The following TECPR2 variants were observed in gnomAD, a reference collection of about 807,000 sequenced individuals.
TECPR2 encodes the protein tectonin beta-propeller repeat containing 2, also known as tectonin beta-propeller repeat-containing protein 2.
A neutral mutation model predicts 138.1 loss-of-function variants in TECPR2; 65 were observed. The ratio of observed to expected loss-of-function variants is 0.47; its 90% CI spans 0.39 to 0.58. The LOEUF is 0.58. Ranked by LOEUF, TECPR2 falls within the 20% of genes least tolerant of loss-of-function variation. The pLI, the probability that TECPR2 is intolerant of heterozygous loss-of-function variation, is 0.00. For synonymous variants in TECPR2, 746 were observed against 749.8 expected, an observed-to-expected ratio of 0.99 and a Z score of 0.08; for missense variants, 1,553 against 1,824.5, an observed-to-expected ratio of 0.85 and a Z score of 2.71.
At chr14:102,485,707 G>A (rs754243648) in intron 17 of TECPR2, among the ~76,000 whole-genome samples, 1 of 152,160 alleles carries the variant, frequency 6.6e-6, no homozygotes, top group African/African-American at 2.4e-5. Context: ...AGCCCCTCGC[G>A]ATGCTTGCCA....
At position 102,478,735 on chromosome 14, in the gene TECPR2, C is replaced by T. The variant is rs1252990287; in HGVS notation, c.3789+13446C>T. On this transcript the variant is annotated intron_variant, in intron 17 of 19. Transcript: ENST00000359520. The stretch of plus-strand genomic sequence containing the variant: ...GAGGGAACAGAAATGAGTGAAGCTG[C>T]CTAAGCATGGTGGCTCACACCTGTA... 5.3e-5 allele frequency among the ~76,000 whole-genome samples: 8 copies of T among 150,348 alleles called. No individual in the cohort carries two copies. The East Asian group carries it at 1.6e-3, about 30-fold the overall frequency.
intron 11 of TECPR2, among the ~76,000 whole-genome samples, chr14:102,441,999 G>C (rs114284665): frequency 0.042 from 6,372 of 152,244 alleles, 159 homozygotes; most frequent in Middle Eastern, 0.092. Flanking sequence ...GTTGTTTTGA[G>C]ACGGAATCTC....
chr14:102,487,602 C>T (rs746015643), intron 17 of TECPR2, among the ~76,000 whole-genome samples: 5 of 152,134 alleles, frequency 3.3e-5, no homozygotes, highest in Admixed American at 6.5e-5. Flanking sequence ...AGTGCAGTGG[C>T]GCAATCTGGG....
chr14:102,408,366 A>C, intron 3 of TECPR2, 122 bp from the exon 4 acceptor site: 1 of 1,129,386 alleles, frequency 8.9e-7, no homozygotes, highest in Non-Finnish European at 1.2e-6. Context: ...TGCTTGGAAA[A>C]CGAGATTGGG....
intron 16 of TECPR2, among the ~76,000 whole-genome samples, chr14:102,455,509 C>T (rs1056615683): frequency 2.0e-5 from 3 of 152,324 alleles, no homozygotes; most frequent in African/African-American, 2.4e-5. Flanking sequence ...TGCAGTGGCA[C>T]GATCTTGGCT....
chr14:102,410,684 CTT>C (rs1888820683), intron 4 of TECPR2, among the ~76,000 whole-genome samples: 1 of 152,192 alleles, frequency 6.6e-6, no homozygotes, highest in Non-Finnish European at 1.5e-5. Context: ...ACTAGACCAA[CTT>C]AGACTGTGCC....
chr14:102,380,940 A>C (rs1043069778), intron 2 of TECPR2, among the ~76,000 whole-genome samples: 1 of 149,444 alleles, frequency 6.7e-6, no homozygotes, highest in Admixed American at 6.7e-5. Flanking sequence ...GGCCTCCCAA[A>C]GTGCTGGGAT....
intron 16 of TECPR2, among the ~76,000 whole-genome samples, chr14:102,460,287 G>A (rs759501909): frequency 3.3e-5 from 5 of 151,950 alleles, no homozygotes; most frequent in Admixed American, 6.6e-5. Context: ...ATGAGACTCT[G>A]TCTCAAAAAA....
intron 2 of TECPR2, among the ~76,000 whole-genome samples, chr14:102,400,666 C>A (rs577349788): frequency 3.9e-5 from 6 of 152,148 alleles, no homozygotes; most frequent in African/African-American, 1.4e-4. Flanking sequence ...TTAATGTACC[C>A]CCAAAAATCA....
Position 102,376,705 on chromosome 14 carries a change from C to T in TECPR2, c.-17C>T, listed in dbSNP as rs771941575. The T allele has an allele frequency of 5.2e-5, 84 of 1,611,060 alleles. No homozygotes were observed. Among genetic ancestry groups the T allele is most frequent in the Non-Finnish European group, 6.6e-5 (78 of 1,177,320 alleles). ...ATTCCTTTTCCTGCGTGAAGATAGT[C>T]TGTGGAAACCTTGGCCATGGCATCG... is the stretch of plus-strand genomic sequence containing the variant. On this transcript the variant is annotated 5_prime_UTR_variant, in exon 2 of 20. Coordinates refer to ENST00000359520, the MANE Select transcript of TECPR2 (RefSeq NM_014844.5).
At position 102,454,442 on chromosome 14, in the gene TECPR2, C is replaced by T. The variant is rs60974527; in HGVS notation, c.3640+1815C>T. ...CAAGGCTTGGGGACTGAAGGTTTGT[C>T]CAGGGCAACTTTTGTTCTTTATGCT... is the stretch of plus-strand genomic sequence containing the variant. On this transcript the variant is annotated intron_variant, in intron 16 of 19. Transcript: ENST00000359520. 9.7e-3 allele frequency among the ~76,000 whole-genome samples: 1,481 copies of T among 152,264 alleles called. 19 individuals carry two copies. The highest frequency in any genetic ancestry group is 0.034 in the African/African-American group (1,403 of 41,552).
intron 16 of TECPR2, among the ~76,000 whole-genome samples, chr14:102,464,585 A>G (rs577840923): frequency 6.6e-6 from 1 of 152,166 alleles, no homozygotes; most frequent in Admixed American, 6.5e-5. Context: ...GGATCTCACT[A>G]TGCTGCCCAA....
intron 17 of TECPR2, among the ~76,000 whole-genome samples, chr14:102,468,577 C>T (rs2139775001): frequency 6.6e-6 from 1 of 152,304 alleles, no homozygotes. Flanking sequence ...CCATTCTGTG[C>T]ATTGTCTTTT....
rs1429376697 is a variant in TECPR2 at position 102,363,075 on chromosome 14, G to A, written c.-114G>A. On this transcript the variant is annotated 5_prime_UTR_variant, in exon 1 of 20. Coordinates refer to ENST00000359520, the MANE Select transcript of TECPR2 (RefSeq NM_014844.5). ...GCCCGGAGTCCATCCCGCCTCCTCC[G>A]GCCCGGCGGGGCCGACGAGTCCGGA... 1 of 496,212 alleles carries A rather than the reference G, an allele frequency of 2.0e-6. No homozygotes were observed. 30.7% of individuals were successfully genotyped at this position (496,212 alleles called of 1,614,324 possible).
intron 2 of TECPR2, among the ~76,000 whole-genome samples, chr14:102,377,435 C>G (rs1306219775): frequency 6.6e-6 from 1 of 152,208 alleles, no homozygotes; most frequent in Non-Finnish European, 1.5e-5. Context: ...ACTCGGATTA[C>G]AGGCATGAGC....
chr14:102,440,926 A>G (rs1162476701), intron 11 of TECPR2, among the ~76,000 whole-genome samples: 2 of 152,232 alleles, frequency 1.3e-5, no homozygotes, highest in Admixed American at 6.5e-5. Context: ...CTTAAGAGGT[A>G]AGAATACAGA....
intron 17 of TECPR2, among the ~76,000 whole-genome samples, chr14:102,488,972 C>G (rs1369399036): frequency 1.3e-5 from 2 of 151,336 alleles, no homozygotes; most frequent in African/African-American, 4.9e-5. Flanking sequence ...ACCTCTGCCT[C>G]CCCAGGTTCA....
intron 2 of TECPR2, among the ~76,000 whole-genome samples, chr14:102,397,661 C>T (rs1029279198): frequency 3.6e-4 from 55 of 152,056 alleles, no homozygotes; most frequent in Admixed American, 9.8e-4. Context: ...GCAAGAGAAT[C>T]GCTTGAACCT....
intron 17 of TECPR2, among the ~76,000 whole-genome samples, chr14:102,488,119 C>T (rs901824876): frequency 6.6e-6 from 1 of 152,054 alleles, no homozygotes; most frequent in Non-Finnish European, 1.5e-5. Flanking sequence ...GCTGGGATTA[C>T]AGGCGTGAGC....
Sources: gnomAD v4.1 joint callset for allele counts (sites outside exome capture counted in the v4.1 genomes callset) on GRCh38, gnomAD v4.1.1 for gene constraint, MANE v1.5 for transcripts, NCBI Gene and HGNC (gene_info 2026-07-23, HGNC 2026-07-21) for gene names.